SYCP1: variants seen among roughly 807,000 people sequenced by gnomAD.
SYCP1 encodes synaptonemal complex protein 1, also known as cancer/testis antigen 8.
Under a neutral mutation model 153.1 loss-of-function variants are expected in SYCP1, and 64 were observed. The observed-to-expected ratio is 0.42, with a 90% CI of 0.34 to 0.51. SYCP1 has a LOEUF of 0.51. Ranked by LOEUF, SYCP1 falls within the 20% of genes least tolerant of loss-of-function variation. The pLI is 0.06. For synonymous variants in SYCP1, 384 were observed against 341.8 expected (o/e 1.12, Z -1.36); for missense variants, 997 against 1,049.0 (o/e 0.95, Z 0.68).
intron 23 of SYCP1, among the ~76,000 whole-genome samples, chr1:114,929,096 G>C (rs113285198): frequency 1.1e-4 from 16 of 152,168 alleles, no homozygotes; most frequent in African/African-American, 3.1e-4. Flanking sequence ...ATTAATGAAG[G>C]CTCCATCCTT....
At chr1:114,890,050 C>T (rs1319826915) in intron 15 of SYCP1, among the ~76,000 whole-genome samples, 1 of 151,982 alleles carries the variant, frequency 6.6e-6, no homozygotes, top group East Asian at 1.9e-4. Context: ...ATGATTTTCT[C>T]ACAGTAGAGC....
At chr1:114,878,310 T>G in intron 12 of SYCP1, 108 bp downstream of exon 12, 2 of 736,086 alleles carry the variant, frequency 2.7e-6, no homozygotes, top group Non-Finnish European at 4.4e-6. Context: ...AGTACTGTAC[T>G]TCTCAATCTG....
At chr1:114,915,114 A>G (rs1379577916) in intron 20 of SYCP1, among the ~76,000 whole-genome samples, 2 of 152,140 alleles carry the variant, frequency 1.3e-5, no homozygotes, top group African/African-American at 4.8e-5. Flanking sequence ...AAAAACAAAG[A>G]AAAAAACAAA....
intron 29 of SYCP1, among the ~76,000 whole-genome samples, chr1:114,981,783 T>C (rs12044828): frequency 0.19 from 28,238 of 151,990 alleles, 3,137 homozygotes; most frequent in East Asian, 0.45. Flanking sequence ...GCCTTCAACA[T>C]GAAATTGTTT....
chr1:114,907,582 C>CTT (rs542034470), intron 16 of SYCP1, among the ~76,000 whole-genome samples: 9 of 134,280 alleles, frequency 6.7e-5, no homozygotes, highest in Non-Finnish European at 9.7e-5. Flanking sequence ...AATGTTGAAA[C>CTT]TTTTTTTTTT....
At chr1:114,871,172 T>C (rs6673490) in intron 8 of SYCP1, among the ~76,000 whole-genome samples, 5 of 151,716 alleles carry the variant, frequency 3.3e-5, no homozygotes, top group African/African-American at 7.3e-5. Flanking sequence ...CTTTTTTTTT[T>C]CTTTTTTTTT....
chr1:114,885,673 T>C, intron 13 of SYCP1, 44 bp downstream of exon 13: 1 of 1,103,528 alleles, frequency 9.1e-7, no homozygotes, highest in Non-Finnish European at 1.3e-6. Flanking sequence ...TCTCACCCTA[T>C]CAATCAGTCA....
At chr1:114,877,174 G>T (rs1665600348) in intron 11 of SYCP1, among the ~76,000 whole-genome samples, 1 of 152,076 alleles carries the variant, frequency 6.6e-6, no homozygotes, top group Admixed American at 6.6e-5. Context: ...GTTTTGAAAT[G>T]TGCTATTCAT....
intron 23 of SYCP1, among the ~76,000 whole-genome samples, chr1:114,932,877 C>T (rs1669732802): frequency 6.6e-6 from 1 of 152,180 alleles, no homozygotes; most frequent in Non-Finnish European, 1.5e-5. Context: ...ATTGTTGAGG[C>T]TTGAGTGGGT....
Position 114,995,072 on chromosome 1 carries a change from A to C in SYCP1, c.*53A>C, listed in dbSNP as rs933372394. On this transcript the variant is annotated 3_prime_UTR_variant, in exon 32 of 32. Transcript: ENST00000369522. ...CCTAATAACGTGAAACTTATAGTTA[A>C]TATTTTGTTCTTATTTGCCAGAGCC... is the stretch of plus-strand genomic sequence containing the variant. 1.3e-6 allele frequency: 2 copies of C among 1,481,726 alleles called. No individual in the cohort carries two copies. The highest frequency in any genetic ancestry group is 2.8e-5 in the African/African-American group (2 of 70,436). The allele number at this position is 1,481,726 out of a possible 1,614,324, so 91.8% of individuals were successfully genotyped here.
chr1:114,865,192 G>A (rs1036441423), intron 8 of SYCP1, among the ~76,000 whole-genome samples: 5 of 150,950 alleles, frequency 3.3e-5, no homozygotes, highest in African/African-American at 9.7e-5. Context: ...TAATGCCAAC[G>A]TCTGCAATAC....
chr1:114,957,196 CT>C (rs1325954472), intron 27 of SYCP1, among the ~76,000 whole-genome samples: 1 of 152,122 alleles, frequency 6.6e-6, no homozygotes, highest in Non-Finnish European at 1.5e-5. Context: ...TACTAAGTAG[CT>C]GGGACTACAA....
At position 114,939,912 on chromosome 1, in the gene SYCP1, G is replaced by A. The variant is rs561084083; in HGVS notation, c.1927-4427G>A. 2.0e-5 allele frequency among the ~76,000 whole-genome samples: 3 copies of A among 152,220 alleles called. No individual in the cohort carries two copies. The East Asian group carries it at 5.8e-4, about 29-fold the overall frequency. On this transcript the variant is annotated intron_variant, in intron 23 of 31. Transcript: ENST00000369522. ...TAACTTGGTTGTCCTATTTCTTCAA[G>A]TTTGATAAATAATATTTTTCTGGGT... is the stretch of plus-strand genomic sequence containing the variant.
chr1:114,955,419 T>A lies in SYCP1; in HGVS notation c.2322+8099T>A, dbSNP rs373106303. 1.4e-4 allele frequency among the ~76,000 whole-genome samples: 22 copies of A among 152,306 alleles called. 1 individual carries two copies. In the East Asian group the frequency reaches 2.9e-3, roughly 20 times the overall value. ...TCTTGTCTGGTTATGATATCATGAG[T>A]CTGGAAGTGTTTTCCTTGCTTCTGT... On this transcript the variant is annotated intron_variant, in intron 27 of 31. Transcript: ENST00000369522.
chr1:114,937,956 A>G (rs1670130502), intron 23 of SYCP1, among the ~76,000 whole-genome samples: 1 of 152,198 alleles, frequency 6.6e-6, no homozygotes, highest in Non-Finnish European at 1.5e-5. Context: ...GTGGGACTGT[A>G]AAGTAGTTCA....
chr1:114,991,474 TC>T (rs1673916835), intron 30 of SYCP1, among the ~76,000 whole-genome samples: 1 of 151,840 alleles, frequency 6.6e-6, no homozygotes, highest in Non-Finnish European at 1.5e-5. Context: ...GTGGAATTTA[TC>T]CCAGGAATGC....
chr1:114,883,537 C>T (rs1234845520), intron 12 of SYCP1, among the ~76,000 whole-genome samples: 3 of 152,156 alleles, frequency 2.0e-5, no homozygotes, highest in Admixed American at 2.0e-4. Context: ...TTTCTAGGCT[C>T]CTGGGGAAAC....
rs767295963 is a variant in SYCP1, at chr1:114,947,228, A to C, written c.2248-18A>C. On this transcript the variant is annotated intron_variant, in intron 26 of 31. Coordinates refer to ENST00000369522, the MANE Select transcript of SYCP1 (RefSeq NM_003176.4). ...ATACATGGAAGCTCTTCTAAACTTC[A>C]TGTTTCTTTTTCTTTAGGAGATTGA... The C allele has an allele frequency of 6.3e-7, 1 of 1,587,796 alleles. No homozygotes were observed.
At chr1:114,968,964 G>A (rs1459142828) in intron 27 of SYCP1, among the ~76,000 whole-genome samples, 1 of 152,148 alleles carries the variant, frequency 6.6e-6, no homozygotes, top group African/African-American at 2.4e-5. Context: ...GGAGTTTGCT[G>A]GGGGTGTACT....
Sources: allele counts gnomAD v4.1 joint callset (sites outside exome capture counted in the v4.1 genomes callset), GRCh38; gene constraint gnomAD v4.1.1; transcripts MANE v1.5; gene names NCBI Gene and HGNC (gene_info 2026-07-23, HGNC 2026-07-21).